LINGO2: variants seen among roughly 807,000 people sequenced by gnomAD.
LINGO2 encodes the protein leucine rich repeat and Ig domain containing 2.
Under a neutral mutation model 30.6 loss-of-function variants are expected in LINGO2, and 14 were observed. The ratio of observed to expected loss-of-function variants is 0.46; its 90% confidence interval spans 0.30 to 0.72. The LOEUF (loss-of-function observed/expected upper bound fraction) is 0.72, where lower values mean the gene tolerates loss of function less well. Ranked by LOEUF, LINGO2 falls within the 30% of genes least tolerant of loss-of-function variation. LINGO2 has a pLI of 0.07. For missense variants in LINGO2, 729 were observed against 751.7 expected, an observed-to-expected ratio of 0.97 and a Z score of 0.35; for synonymous variants, 317 against 288.5, an observed-to-expected ratio of 1.10 and a Z score of -1.00.
At chr9:28,433,671 G>A (rs1445709336) in intron 2 of LINGO2, among the ~76,000 whole-genome samples, 1 of 152,042 alleles carries the variant, frequency 6.6e-6, no homozygotes, top group African/African-American at 2.4e-5. Context: ...CTTTTACACT[G>A]CTTGTGGGAA....
At chr9:28,164,823 C>A (rs954024746) in intron 4 of LINGO2, among the ~76,000 whole-genome samples, 1 of 152,288 alleles carries the variant, frequency 6.6e-6, no homozygotes, top group South Asian at 2.1e-4. Flanking sequence ...AGCCCCCTTG[C>A]ACTTTCCTCC....
rs1454883429 is a variant in LINGO2, at chr9:28,117,686, G to A, written c.-86-105281C>T. Among the ~76,000 whole-genome samples, 9 of 139,302 alleles carry A rather than the reference G, an allele frequency of 6.5e-5. No homozygotes were observed. In the East Asian group the frequency reaches 1.3e-3, roughly 20 times the overall value. The allele number at this position is 139,302 out of a possible 152,430, so 91.4% of individuals were successfully genotyped here. On this transcript the variant is annotated intron_variant, in intron 4 of 5. Transcript: ENST00000379992. ...GTGACCCGATTTTCCAGGTGCGTCC[G>A]TCACCCCTTTCTTTGACTCGGAAAG...
At chr9:28,759,590 G>A in the LINGO2 span, among the ~76,000 whole-genome samples, 6 of 151,988 alleles carry the variant, frequency 3.9e-5, no homozygotes, top group Admixed American at 3.3e-4. Flanking sequence ...GCTGAGGCAG[G>A]AGAATGGCGT....
chr9:28,696,944 C>T, the LINGO2 span, among the ~76,000 whole-genome samples: 3 of 151,620 alleles, frequency 2.0e-5, no homozygotes, highest in Non-Finnish European at 4.4e-5. Flanking sequence ...ACTTACTTTG[C>T]TTCTATAATT....
chr9:28,736,161 G>A, the LINGO2 span, among the ~76,000 whole-genome samples: 13 of 152,126 alleles, frequency 8.5e-5, no homozygotes, highest in Non-Finnish European at 1.8e-4. Context: ...TGCCCAGTAC[G>A]TTCATCATGG....
intron 2 of LINGO2, among the ~76,000 whole-genome samples, chr9:28,398,490 G>T (rs913791991): frequency 1.3e-5 from 2 of 151,876 alleles, no homozygotes; most frequent in African/African-American, 4.8e-5. Context: ...ATACAGTTTG[G>T]CAAAAATGTA....
chr9:28,138,971 A>G (rs551193303), intron 4 of LINGO2, among the ~76,000 whole-genome samples: 56 of 152,298 alleles, frequency 3.7e-4, no homozygotes, highest in Non-Finnish European at 7.9e-4. Context: ...GGTCAGTTTC[A>G]CTAAGAGTTT....
At chr9:28,847,148 AT>A in the LINGO2 span, among the ~76,000 whole-genome samples, 325 of 148,522 alleles carry the variant, frequency 2.2e-3, 21 homozygotes, top group Middle Eastern at 7.0e-3. Flanking sequence ...TTGAGCAATG[AT>A]GCAAATTACT....
chr9:28,761,301 A>G, the LINGO2 span, among the ~76,000 whole-genome samples: 4 of 151,980 alleles, frequency 2.6e-5, no homozygotes, highest in Non-Finnish European at 5.9e-5. Flanking sequence ...GCATCAGTCC[A>G]GTGACCCAAT....
chr9:28,776,143 T>G, the LINGO2 span, among the ~76,000 whole-genome samples: 147 of 152,342 alleles, frequency 9.6e-4, no homozygotes, highest in African/African-American at 3.4e-3. Context: ...AATCTAACTC[T>G]TGAATAAGCC....
the LINGO2 span, among the ~76,000 whole-genome samples, chr9:28,858,048 A>G: frequency 6.6e-6 from 1 of 151,974 alleles, no homozygotes; most frequent in East Asian, 1.9e-4. Context: ...ATTCTAATGT[A>G]TCTTCTTCGA....
At chr9:28,345,185 G>A (rs56855717) in intron 3 of LINGO2, among the ~76,000 whole-genome samples, 33,275 of 151,882 alleles carry the variant, frequency 0.22, 3,821 homozygotes, top group Middle Eastern at 0.42. Flanking sequence ...AAACCATGTA[G>A]CACCCAACAG....
intron 2 of LINGO2, among the ~76,000 whole-genome samples, chr9:28,373,253 G>C (rs1212802166): frequency 6.6e-6 from 1 of 152,130 alleles, no homozygotes; most frequent in Non-Finnish European, 1.5e-5. Context: ...ATAAATTCAG[G>C]CAAGATTATT....
chr9:28,247,925 T>A (rs1016444366), intron 4 of LINGO2, among the ~76,000 whole-genome samples: 3 of 152,146 alleles, frequency 2.0e-5, no homozygotes, highest in African/African-American at 7.2e-5. Context: ...TCACCCCAGT[T>A]AAAATGGCTT....
At chr9:28,177,654 TGGAAATATAAAAAGGAGC>T (rs1221856023) in intron 4 of LINGO2, among the ~76,000 whole-genome samples, 5 of 151,892 alleles carry the variant, frequency 3.3e-5, no homozygotes, top group Non-Finnish European at 7.4e-5. Flanking sequence ...ATTGCTATGG[TGGAAATATAAAAAGGAGC>T]AACAAATAAA....
At chr9:28,037,214 C>T (rs564317537) in intron 4 of LINGO2, among the ~76,000 whole-genome samples, 17 of 152,260 alleles carry the variant, frequency 1.1e-4, no homozygotes, top group African/African-American at 2.9e-4. Flanking sequence ...CTGAATTGAA[C>T]GCCTAGTTAT....
chr9:28,161,025 C>A (rs1341104483), intron 4 of LINGO2, among the ~76,000 whole-genome samples: 2 of 152,178 alleles, frequency 1.3e-5, no homozygotes, highest in Admixed American at 6.5e-5. Context: ...GTGGCCTCGG[C>A]TCCATAGAAT....
the LINGO2 span, among the ~76,000 whole-genome samples, chr9:29,017,006 C>T: frequency 5.3e-5 from 8 of 152,094 alleles, no homozygotes; most frequent in Non-Finnish European, 8.8e-5. Flanking sequence ...TTTCTGATGC[C>T]TTCACTTTCT....
the LINGO2 span, among the ~76,000 whole-genome samples, chr9:28,938,308 C>T: frequency 1.3e-5 from 2 of 152,166 alleles, no homozygotes; most frequent in Non-Finnish European, 2.9e-5. Flanking sequence ...CTCTATAGAA[C>T]ATGCTTTCTC....
Sources: gnomAD v4.1 joint callset for allele counts (sites outside exome capture counted in the v4.1 genomes callset) on GRCh38, gnomAD v4.1.1 for gene constraint, MANE v1.5 for transcripts, NCBI Gene and HGNC (gene_info 2026-07-23, HGNC 2026-07-21) for gene names.